Variants in RAPGEF1 observed in about 807,000 individuals in gnomAD.
The protein encoded by RAPGEF1 is Rap guanine nucleotide exchange factor 1, also known as CRK SH3-binding GNRP.
A neutral mutation model predicts 143.3 loss-of-function variants in RAPGEF1; 33 were observed. That is an observed-to-expected ratio of 0.23 (90% CI 0.17 to 0.31). The LOEUF (loss-of-function observed/expected upper bound fraction) is 0.31. Ranked by LOEUF, RAPGEF1 falls within the 10% of genes least tolerant of loss-of-function variation. RAPGEF1 has a pLI of 1.00. For synonymous variants in RAPGEF1, 629 were observed against 676.5 expected (o/e 0.93, Z 1.09); for missense variants, 1,199 against 1,645.4 (o/e 0.73, Z 4.69).
rs1485778126 is a variant in RAPGEF1, at chr9:131,621,572, C to T, written c.1905+224G>A. 6.6e-6 allele frequency among the ~76,000 whole-genome samples: 1 copy of T among 152,156 alleles called. No individual in the cohort carries two copies. Among genetic ancestry groups the T allele is most frequent in the African/African-American group, 2.4e-5 (1 of 41,448 alleles). On this transcript the variant is annotated intron_variant, in intron 11 of 26. Coordinates refer to ENST00000683357, the MANE Select transcript of RAPGEF1 (RefSeq NM_001377935.1). The surrounding 1 kb of genome is among the most constrained non-coding windows in gnomAD (Gnocchi z 4.5). ...GGGCTGCTGTGGAAAAGAAAGGTCCCTGCACCCCAGGGTGGGGAGGTGGTG... is the reference window on the plus strand; with the variant it reads ...GGGCTGCTGTGGAAAAGAAAGGTCCTTGCACCCCAGGGTGGGGAGGTGGTG...
intron 1 of RAPGEF1, among the ~76,000 whole-genome samples, chr9:131,673,315 T>C (rs1831703896): frequency 6.6e-6 from 1 of 152,182 alleles, no homozygotes; most frequent in African/African-American, 2.4e-5. Context: ...AGGGAGGGGC[T>C]GAAACATCAG....
At chr9:131,632,266 C>A (rs1042448899) in intron 5 of RAPGEF1, among the ~76,000 whole-genome samples, 3 of 151,272 alleles carry the variant, frequency 2.0e-5, no homozygotes, top group African/African-American at 7.3e-5. Flanking sequence ...GTAGCTGGGA[C>A]TACAGGCACC....
At chr9:131,673,029 C>T (rs1266900576) in intron 1 of RAPGEF1, among the ~76,000 whole-genome samples, 1 of 152,166 alleles carries the variant, frequency 6.6e-6, no homozygotes, top group African/African-American at 2.4e-5. Context: ...TCAGGGCTTG[C>T]TTGTTTATAT....
chr9:131,595,468 G>C (rs537143154), intron 17 of RAPGEF1, among the ~76,000 whole-genome samples: 1 of 152,220 alleles, frequency 6.6e-6, no homozygotes, highest in Non-Finnish European at 1.5e-5. Flanking sequence ...AAACGGGTTG[G>C]GCTAGGATTT....
chr9:131,624,707 C>A (rs774316926), intron 10 of RAPGEF1, among the ~76,000 whole-genome samples: 3 of 152,228 alleles, frequency 2.0e-5, no homozygotes, highest in Non-Finnish European at 2.9e-5. Context: ...CTTGTCCATG[C>A]AGAGGGAGGG....
intron 25 of RAPGEF1, 24 bp downstream of exon 25, chr9:131,582,581 G>A: frequency 3.4e-6 from 5 of 1,471,170 alleles, no homozygotes; most frequent in African/African-American, 1.5e-5. Flanking sequence ...GCGGGGCTGG[G>A]GGCCTGGAGG....
intron 25 of RAPGEF1, among the ~76,000 whole-genome samples, chr9:131,582,388 A>G (rs1249346118): frequency 6.6e-6 from 1 of 151,698 alleles, no homozygotes; most frequent in Non-Finnish European, 1.5e-5. Flanking sequence ...TTTCTGTTTA[A>G]ACTGTATTAT....
At chr9:131,730,755 G>T (rs1041193222) in intron 1 of RAPGEF1, among the ~76,000 whole-genome samples, 3 of 148,460 alleles carry the variant, frequency 2.0e-5, no homozygotes, top group Non-Finnish European at 4.5e-5. Flanking sequence ...TCCGGGGTGG[G>T]TTTATCCACC....
At chr9:131,694,870 C>T (rs1425239441) in intron 1 of RAPGEF1, among the ~76,000 whole-genome samples, 4 of 149,910 alleles carry the variant, frequency 2.7e-5, no homozygotes, top group Admixed American at 1.3e-4. Flanking sequence ...CATTTGTATA[C>T]ATGTGCCATG....
At chr9:131,711,937 G>A (rs1177835156) in intron 1 of RAPGEF1, among the ~76,000 whole-genome samples, 2 of 152,154 alleles carry the variant, frequency 1.3e-5, no homozygotes, top group Non-Finnish European at 2.9e-5. Context: ...TCTGAAGGAA[G>A]GGGAAATAAT....
chr9:131,616,328 G>A (rs190924011), intron 12 of RAPGEF1, among the ~76,000 whole-genome samples: 8 of 152,194 alleles, frequency 5.3e-5, no homozygotes, highest in Non-Finnish European at 1.0e-4. Context: ...ATTAATATGT[G>A]TGCAGATGTT....
intron 1 of RAPGEF1, among the ~76,000 whole-genome samples, chr9:131,717,969 A>G (rs1393876795): frequency 1.3e-5 from 2 of 152,126 alleles, no homozygotes; most frequent in African/African-American, 2.4e-5. Flanking sequence ...AGTTCTTCCA[A>G]TCGAGTACTC....
Position 131,650,083 on chromosome 9 carries a change from C to A in RAPGEF1, c.315+46G>T. 6.8e-7 allele frequency: 1 copy of A among 1,461,744 alleles called. No homozygotes were observed. Among genetic ancestry groups the A allele is most frequent in the South Asian group, 1.2e-5 (1 of 83,932 alleles). 90.5% of individuals were successfully genotyped at this position (1,461,744 alleles called of 1,614,324 possible). On this transcript the variant is annotated intron_variant, in intron 3 of 26. Coordinates refer to ENST00000683357, the MANE Select transcript of RAPGEF1 (RefSeq NM_001377935.1). The surrounding 1 kb of genome is among the most constrained non-coding windows in gnomAD (Gnocchi z 4.7). Reference sequence around the variant, plus strand: ...CCCAAAACCATGGACCAGGATTCTGCAGTAGAAGGCAAGGCAAACCCAATT... The same window carrying A: ...CCCAAAACCATGGACCAGGATTCTGAAGTAGAAGGCAAGGCAAACCCAATT...
Position 131,689,694 on chromosome 9 carries a change from A to G in RAPGEF1, c.62-38745T>C, listed in dbSNP as rs569105628. 1.1e-4 allele frequency among the ~76,000 whole-genome samples: 16 copies of G among 152,228 alleles called. No individual in the cohort carries two copies. In the East Asian group the frequency reaches 3.1e-3, roughly 29 times the overall value. ...GCTGGGACTACAGGTGCCCACTGCC[A>G]TGCCCAGCTAATTTTTGTATTTTAG... On this transcript the variant is annotated intron_variant, in intron 1 of 26. Coordinates refer to ENST00000683357, the MANE Select transcript of RAPGEF1 (RefSeq NM_001377935.1).
intron 4 of RAPGEF1, among the ~76,000 whole-genome samples, chr9:131,640,412 C>T (rs1176908763): frequency 2.0e-5 from 3 of 152,230 alleles, no homozygotes; most frequent in African/African-American, 7.2e-5. Context: ...TGGATGCTAA[C>T]GTTTCCCGGA....
At position 131,586,481 on chromosome 9, in the gene RAPGEF1, GTC is replaced by G. The variant is rs1312661386; in HGVS notation, c.3233+1253_3233+1254del. ...ACACACACCTGCAGAGCGAGACTCCGTCTCAAACACACACACACACACCTGCA... is the reference window on the plus strand; with the variant it reads ...ACACACACCTGCAGAGCGAGACTCCGTCAAACACACACACACACACCTGCA... On this transcript the variant is annotated intron_variant, in intron 22 of 26. Transcript: ENST00000683357. Among the ~76,000 whole-genome samples, 34 of 40,794 alleles carry G rather than the reference GTC, an allele frequency of 8.3e-4. 2 individuals carry two copies. Among genetic ancestry groups the G allele is most frequent in the South Asian group, 1.2e-3 (1 of 848 alleles). 26.8% of individuals were successfully genotyped at this position (40,794 alleles called of 152,430 possible).
chr9:131,587,706 C>G (rs774290804), intron 22 of RAPGEF1, 30 bp downstream of exon 22: 10 of 1,602,800 alleles, frequency 6.2e-6, no homozygotes, highest in South Asian at 4.4e-5. Context: ...CCATCCAGAG[C>G]AACAGGGCTT....
chr9:131,737,858 G>A (rs1051168423), intron 1 of RAPGEF1, among the ~76,000 whole-genome samples: 11 of 128,696 alleles, frequency 8.5e-5, no homozygotes, highest in Non-Finnish European at 1.6e-4. Flanking sequence ...CCAGCTACTC[G>A]GGAGGCTGAG....
At position 131,628,772 on chromosome 9, in the gene RAPGEF1, C is replaced by T. The variant is rs1354814021; in HGVS notation, c.894-100G>A. ...GATGTGGGGTTCTTTCATTACTAGACTCTCCACACCCAATGTTCACACTTC... is the reference window on the plus strand; with the variant it reads ...GATGTGGGGTTCTTTCATTACTAGATTCTCCACACCCAATGTTCACACTTC... On this transcript the variant is annotated intron_variant, in intron 7 of 26. Transcript: ENST00000683357. This position sits in a 1 kb window ranked among gnomAD's most constrained non-coding sequence, Gnocchi z 5.7. 1.4e-6 allele frequency: 2 copies of T among 1,430,178 alleles called. No individual in the cohort carries two copies. The highest frequency in any genetic ancestry group is 2.9e-5 in the African/African-American group (2 of 69,958). The allele number at this position is 1,430,178 out of a possible 1,614,324, so 88.6% of individuals were successfully genotyped here. A position where few individuals can be genotyped will look rare whatever the true frequency, so the allele number is the denominator to read the frequency against.
Sources: gnomAD v4.1 joint callset for allele counts (sites outside exome capture counted in the v4.1 genomes callset) on GRCh38, gnomAD v4.1.1 for gene constraint, Gnocchi (gnomAD v3.1) non-coding constraint, MANE v1.5 for transcripts, NCBI Gene and HGNC (gene_info 2026-07-23, HGNC 2026-07-21) for gene names.